Variants in NELL2 observed in about 807,000 individuals in gnomAD.
NELL2 encodes neural EGFL like 2, also known as protein kinase C-binding protein NELL2.
In NELL2, 41 loss-of-function variants were observed where a neutral mutation model predicts 109.6. The observed-to-expected ratio is 0.37, with a 90% confidence interval of 0.29 to 0.49. The LOEUF (loss-of-function observed/expected upper bound fraction) is 0.49, where lower values mean the gene tolerates loss of function less well. Ranked by LOEUF, NELL2 falls within the 20% of genes least tolerant of loss-of-function variation. NELL2 has a pLI of 0.98. For synonymous variants in NELL2, 355 were observed against 344.7 expected, an observed-to-expected ratio of 1.03 and a Z score of -0.33; for missense variants, 900 against 1,008.3, an observed-to-expected ratio of 0.89 and a Z score of 1.45.
At chr12:44,897,543 G>A (rs1263389942) in intron 1 of NELL2, among the ~76,000 whole-genome samples, 1 of 152,120 alleles carries the variant, frequency 6.6e-6, no homozygotes, top group Non-Finnish European at 1.5e-5. Context: ...CCTAGTCAAG[G>A]GAAGCCGTGA....
At chr12:44,771,556 T>G (rs1228010237) in intron 9 of NELL2, among the ~76,000 whole-genome samples, 2 of 152,216 alleles carry the variant, frequency 1.3e-5, no homozygotes, top group East Asian at 1.9e-4. Flanking sequence ...TCATTATGGC[T>G]GTAATTACTA....
In NELL2 at chr12:44,847,591, C is replaced by T. The variant is rs148278346; in HGVS notation, c.184+27634G>A. Among the ~76,000 whole-genome samples the T allele has an allele frequency of 6.3e-3, 930 of 148,682 alleles. 11 individuals are homozygous for T. Among genetic ancestry groups the T allele is most frequent in the African/African-American group, 0.022 (883 of 40,518 alleles). ...GGAAAAAAAAAAAAAGCCTTGTACT[C>T]CTTCCACAATGACACCAAGGGAGCA... is the stretch of plus-strand genomic sequence containing the variant. On this transcript the variant is annotated intron_variant, in intron 2 of 19. Coordinates refer to ENST00000429094, the MANE Select transcript of NELL2 (RefSeq NM_001145108.2).
intron 12 of NELL2, among the ~76,000 whole-genome samples, chr12:44,687,840 TA>T (rs1948776294): frequency 6.6e-6 from 1 of 152,238 alleles, no homozygotes; most frequent in African/African-American, 2.4e-5. Flanking sequence ...TGTGGTGTCT[TA>T]TATGTTACTT....
At chr12:44,685,953 A>G (rs561361536) in intron 12 of NELL2, among the ~76,000 whole-genome samples, 1 of 152,174 alleles carries the variant, frequency 6.6e-6, no homozygotes, top group African/African-American at 2.4e-5. Flanking sequence ...CTGAATCTGA[A>G]TGTTGGCCTG....
intron 5 of NELL2, among the ~76,000 whole-genome samples, chr12:44,778,625 T>C (rs1941839364): frequency 6.6e-6 from 1 of 152,158 alleles, no homozygotes; most frequent in African/African-American, 2.4e-5. Flanking sequence ...CTGCTATCCC[T>C]TACCTGGGAA....
intron 1 of NELL2, among the ~76,000 whole-genome samples, chr12:44,884,218 A>G (rs1945446106): frequency 6.6e-6 from 1 of 151,928 alleles, no homozygotes; most frequent in South Asian, 2.1e-4. Context: ...GAGTACAAAA[A>G]ATTATCAGGA....
intron 1 of NELL2, among the ~76,000 whole-genome samples, chr12:44,908,423 T>C (rs899619045): frequency 6.6e-6 from 1 of 151,924 alleles, no homozygotes; most frequent in Non-Finnish European, 1.5e-5. Flanking sequence ...ACTGGAAAGA[T>C]AAGAGTTTGT....
chr12:44,514,632 G>T (rs1293753560), intron 19 of NELL2, among the ~76,000 whole-genome samples: 1 of 151,520 alleles, frequency 6.6e-6, no homozygotes, highest in Non-Finnish European at 1.5e-5. Context: ...GTTTAATAAG[G>T]TTCAGTATAT....
intron 9 of NELL2, among the ~76,000 whole-genome samples, chr12:44,768,493 C>T (rs1210785837): frequency 6.6e-6 from 1 of 150,468 alleles, no homozygotes; most frequent in Non-Finnish European, 1.5e-5. Context: ...CTATTTGTCA[C>T]ATATACCTAT....
intron 13 of NELL2, among the ~76,000 whole-genome samples, chr12:44,644,909 T>G (rs1460248199): frequency 1.3e-5 from 2 of 151,806 alleles, no homozygotes; most frequent in African/African-American, 4.8e-5. Context: ...AAAAAAAGTT[T>G]GTGACTGTTA....
At chr12:44,614,054 A>C (rs1285805977) in intron 13 of NELL2, among the ~76,000 whole-genome samples, 2 of 152,092 alleles carry the variant, frequency 1.3e-5, no homozygotes, top group Admixed American at 1.3e-4. Flanking sequence ...ATAGTGAATA[A>C]ATTTCAAGGT....
At chr12:44,518,808 A>G (rs1453381968) in intron 19 of NELL2, among the ~76,000 whole-genome samples, 2 of 152,236 alleles carry the variant, frequency 1.3e-5, no homozygotes, top group Non-Finnish European at 2.9e-5. Flanking sequence ...TGCACTATTA[A>G]GTATACACAT....
chr12:44,857,794 C>G (rs1592663870), intron 2 of NELL2, among the ~76,000 whole-genome samples: 1 of 152,278 alleles, frequency 6.6e-6, no homozygotes, highest in East Asian at 1.9e-4. Context: ...AGATTAAATT[C>G]CTTCCTTTCC....
At chr12:44,744,082 G>A (rs544078317) in intron 9 of NELL2, among the ~76,000 whole-genome samples, 1 of 152,090 alleles carries the variant, frequency 6.6e-6, no homozygotes, top group Non-Finnish European at 1.5e-5. Flanking sequence ...TAAAGGAATA[G>A]AAATTATAAC....
chr12:44,578,769 T>C (rs1944208632), intron 15 of NELL2, among the ~76,000 whole-genome samples: 1 of 152,110 alleles, frequency 6.6e-6, no homozygotes, highest in African/African-American at 2.4e-5. Context: ...TGCATATAGG[T>C]TTTCTTGAAG....
intron 7 of NELL2, 110 bp from the exon 8 acceptor site, chr12:44,776,260 G>A (rs937429281): frequency 1.9e-6 from 2 of 1,042,546 alleles, no homozygotes; most frequent in African/African-American, 3.3e-5. Context: ...GATGATGGCT[G>A]TGCTTATCAA....
At chr12:44,642,537 G>A (rs765778909) in intron 13 of NELL2, among the ~76,000 whole-genome samples, 5 of 152,110 alleles carry the variant, frequency 3.3e-5, no homozygotes, top group Non-Finnish European at 5.9e-5. Flanking sequence ...AAGTTTTGGA[G>A]GTCTACTATA....
intron 2 of NELL2, among the ~76,000 whole-genome samples, chr12:44,829,415 T>C (rs143112398): frequency 6.6e-6 from 1 of 152,274 alleles, no homozygotes; most frequent in African/African-American, 2.4e-5. Flanking sequence ...TTATATCAAA[T>C]TGAACCCAAA....
chr12:44,758,902 A>T (rs1941005570), intron 9 of NELL2, among the ~76,000 whole-genome samples: 1 of 152,194 alleles, frequency 6.6e-6, no homozygotes. Flanking sequence ...TATTTGAAAC[A>T]CTGCCCCAAA....
Sources: allele counts gnomAD v4.1 joint callset (sites outside exome capture counted in the v4.1 genomes callset), GRCh38; gene constraint gnomAD v4.1.1; transcripts MANE v1.5; gene names NCBI Gene and HGNC (gene_info 2026-07-23, HGNC 2026-07-21).